The following RNF19A variants were observed in gnomAD, a reference collection of about 807,000 sequenced individuals.
The protein encoded by RNF19A is ring finger protein 19A, RBR E3 ubiquitin protein ligase, also known as E3 ubiquitin-protein ligase RNF19A.
Under a neutral mutation model 75.7 loss-of-function variants are expected in RNF19A, and 32 were observed. The observed-to-expected ratio is 0.42, with a 90% CI of 0.32 to 0.57. The LOEUF is 0.57. Among genes scored for constraint, RNF19A ranks in the 20% least tolerant of loss-of-function variants. The probability of loss-of-function intolerance (pLI) is 0.10; values close to 1 mark genes in which losing one functional copy is unlikely to be tolerated. For synonymous variants in RNF19A, 335 were observed against 345.2 expected, an observed-to-expected ratio of 0.97 and a Z score of 0.33; for missense variants, 782 against 1,036.3, an observed-to-expected ratio of 0.75 and a Z score of 3.37.
Position 100,275,635 on chromosome 8 carries a change from T to C in RNF19A, c.675-474A>G, listed in dbSNP as rs1278039952. On this transcript the variant is annotated intron_variant, in intron 2 of 9. Coordinates refer to ENST00000341084, the MANE Select transcript of RNF19A (RefSeq NM_183419.4). This position sits in a 1 kb window ranked among gnomAD's most constrained non-coding sequence, Gnocchi z 4.3. The stretch of plus-strand genomic sequence containing the variant: ...AAAACCATATTAAATTAGTACAGTA[T>C]TGTATGCACACAAAAAAAAGACTAG... 3.3e-5 allele frequency among the ~76,000 whole-genome samples: 5 copies of C among 152,158 alleles called. No homozygotes were observed. The highest frequency in any genetic ancestry group is 1.2e-4 in the African/African-American group (5 of 41,434).
chr8:100,296,352 G>T (rs1563859844), intron 1 of RNF19A, among the ~76,000 whole-genome samples: 1 of 152,134 alleles, frequency 6.6e-6, no homozygotes, highest in Non-Finnish European at 1.5e-5. Context: ...TGATTTTCCT[G>T]CCTCTGCCTC....
In RNF19A at chr8:100,322,067, T is replaced by C. The variant is rs913070875; in HGVS notation, c.-242-8695A>G. Among the ~76,000 whole-genome samples the C allele has an allele frequency of 2.0e-5, 3 of 152,180 alleles. No homozygotes were observed. Among genetic ancestry groups the C allele is most frequent in the Non-Finnish European group, 4.4e-5 (3 of 68,028 alleles). On this transcript the variant is annotated intron_variant, in intron 1 of 3. Coordinates refer to the RNF19A transcript ENST00000519527. This position sits in a 1 kb window ranked among gnomAD's most constrained non-coding sequence, Gnocchi z 5.1. Reference sequence around the variant, plus strand: ...GCCCTAGCATTTGTGGAATGGTAAATGAACACTGGCTTCAACATAAAGTCA... The same window carrying C: ...GCCCTAGCATTTGTGGAATGGTAAACGAACACTGGCTTCAACATAAAGTCA...
intron 1 of RNF19A, chr8:100,309,305 C>G (rs1822193299): frequency 2.4e-5 from 24 of 985,436 alleles, no homozygotes; most frequent in Non-Finnish European, 2.9e-5. Flanking sequence ...AACCTTCCTC[C>G]GAACACAGCT....
chr8:100,265,111 AAC>A (rs1819910771), intron 5 of RNF19A, among the ~76,000 whole-genome samples: 1 of 152,220 alleles, frequency 6.6e-6, no homozygotes, highest in African/African-American at 2.4e-5. Flanking sequence ...TATTATTTTC[AAC>A]ACAGTTATGA....
At chr8:100,328,772 C>T (rs1158046253) in intron 1 of RNF19A, among the ~76,000 whole-genome samples, 1 of 152,124 alleles carries the variant, frequency 6.6e-6, no homozygotes, top group Non-Finnish European at 1.5e-5. Flanking sequence ...ACCTGGTCTG[C>T]GTTAATGTTT....
chr8:100,304,053 T>C (rs1272327320), intron 1 of RNF19A, among the ~76,000 whole-genome samples: 1 of 152,156 alleles, frequency 6.6e-6, no homozygotes. Flanking sequence ...ACCTCTCAGG[T>C]TGGAGCAATT....
At chr8:100,263,112 G>A (rs1219911896) in intron 7 of RNF19A, among the ~76,000 whole-genome samples, 2 of 152,030 alleles carry the variant, frequency 1.3e-5, no homozygotes, top group Admixed American at 6.6e-5. Flanking sequence ...GGGAGAGGTC[G>A]GTCTATGCAT....
At chr8:100,309,284 A>C in intron 1 of RNF19A, 1 of 982,640 alleles carries the variant, frequency 1.0e-6, no homozygotes, top group Non-Finnish European at 1.2e-6. Context: ...AGGTGGTAGC[A>C]GTCCCGGACT....
intron 1 of RNF19A, among the ~76,000 whole-genome samples, chr8:100,296,671 C>T (rs1014106635): frequency 4.6e-5 from 7 of 152,308 alleles, no homozygotes; most frequent in African/African-American, 1.7e-4. Flanking sequence ...GAAAGGTTAA[C>T]TGTTAATGCT....
chr8:100,280,786 C>T (rs1028809705), intron 2 of RNF19A, among the ~76,000 whole-genome samples: 1 of 152,134 alleles, frequency 6.6e-6, no homozygotes, highest in Non-Finnish European at 1.5e-5. Context: ...ATTAAATGTA[C>T]CTGGCATTCA....
At chr8:100,294,816 T>C (rs1037535535) in intron 1 of RNF19A, among the ~76,000 whole-genome samples, 4 of 152,184 alleles carry the variant, frequency 2.6e-5, no homozygotes, top group Non-Finnish European at 5.9e-5. Context: ...ATCTCCACAA[T>C]ATAACTGCTT....
chr8:100,309,791 C>T, intron 1 of RNF19A, 76 bp downstream of exon 1: 1 of 985,572 alleles, frequency 1.0e-6, no homozygotes, highest in Non-Finnish European at 1.2e-6. Context: ...CCGGCCAGAG[C>T]TCCCTGGGTC....
In RNF19A at chr8:100,257,743, C is replaced by T. The variant is rs1021205969; in HGVS notation, c.*813G>A. On this transcript the variant is annotated 3_prime_UTR_variant, in exon 10 of 10. Transcript: ENST00000341084. ...AATAACTAGGCCATTAAAACCCAGT[C>T]GATCCCAAAGGCACCAAGAATCAAT... The T allele has an allele frequency of 8.9e-6, 3 of 336,600 alleles. No homozygotes were observed. Among genetic ancestry groups the T allele is most frequent in the East Asian group, 4.5e-5 (1 of 22,242 alleles). The allele number at this position is 336,600 out of a possible 1,614,324, so 20.9% of individuals were successfully genotyped here.
intron 1 of RNF19A, among the ~76,000 whole-genome samples, chr8:100,334,677 G>A (rs567311737): frequency 7.9e-5 from 12 of 152,258 alleles, no homozygotes; most frequent in South Asian, 2.1e-4. Flanking sequence ...TGATTCTAAC[G>A]GTTTCATTGA....
chr8:100,285,278 CCT>C (rs1239554657), intron 2 of RNF19A, among the ~76,000 whole-genome samples: 3 of 152,096 alleles, frequency 2.0e-5, no homozygotes, highest in Admixed American at 6.5e-5. Flanking sequence ...ATAACCTACA[CCT>C]CTGTAATCTG....
rs1455872046 is a variant in RNF19A, at chr8:100,261,451, T to C, written c.1682+91A>G. On this transcript the variant is annotated intron_variant, in intron 8 of 9. Coordinates refer to ENST00000341084, the MANE Select transcript of RNF19A (RefSeq NM_183419.4). The surrounding 1 kb of genome is among the most constrained non-coding windows in gnomAD (Gnocchi z 4.4). Reference sequence around the variant, plus strand: ...TGAACCTTGACATAGTAGGGTTATATATAATCATCATGCTTTATGTTCAAA... The same window carrying C: ...TGAACCTTGACATAGTAGGGTTATACATAATCATCATGCTTTATGTTCAAA... 4 of 1,131,160 alleles carry C rather than the reference T, an allele frequency of 3.5e-6. No homozygotes were observed. Among genetic ancestry groups the C allele is most frequent in the African/African-American group, 3.1e-5 (2 of 65,302 alleles). 70.1% of individuals were successfully genotyped at this position (1,131,160 alleles called of 1,614,324 possible). A position where few individuals can be genotyped will look rare whatever the true frequency, so the allele number is the denominator to read the frequency against.
At chr8:100,296,410 G>A (rs571146765) in intron 1 of RNF19A, among the ~76,000 whole-genome samples, 3 of 152,224 alleles carry the variant, frequency 2.0e-5, no homozygotes, top group Non-Finnish European at 4.4e-5. Context: ...CAGCCTCCGG[G>A]CATTATTCTT....
At chr8:100,304,117 T>C (rs1055715174) in intron 1 of RNF19A, among the ~76,000 whole-genome samples, 2 of 151,834 alleles carry the variant, frequency 1.3e-5, no homozygotes, top group Non-Finnish European at 2.9e-5. Flanking sequence ...CCACCATACC[T>C]AGGTAAATTT....
chr8:100,301,578 C>A (rs1821830721), intron 1 of RNF19A, among the ~76,000 whole-genome samples: 1 of 152,186 alleles, frequency 6.6e-6, no homozygotes. Flanking sequence ...TTTTCCTACG[C>A]CTTTGTCTCT....
Sources: allele counts gnomAD v4.1 joint callset (sites outside exome capture counted in the v4.1 genomes callset), GRCh38; gene constraint gnomAD v4.1.1; non-coding constraint Gnocchi (gnomAD v3.1); transcripts MANE v1.5; gene names NCBI Gene and HGNC (gene_info 2026-07-23, HGNC 2026-07-21).